Variants in B3GALT1 observed in about 807,000 individuals in gnomAD.
B3GALT1 encodes beta-1,3-galactosyltransferase 1, also known as UDP-Gal:betaGlcNAc beta 1,3-galactosyltransferase, polypeptide 1.
In B3GALT1, 10 loss-of-function variants were observed where a neutral mutation model predicts 23.2. The ratio of observed to expected loss-of-function variants is 0.43; its 90% CI spans 0.27 to 0.73. The LOEUF (loss-of-function observed/expected upper bound fraction) is 0.73. Ranked by LOEUF, B3GALT1 falls within the 30% of genes least tolerant of loss-of-function variation. B3GALT1 has a pLI of 0.21. For synonymous variants in B3GALT1, 156 were observed against 141.5 expected (o/e 1.10, Z -0.73); for missense variants, 299 against 405.4 (o/e 0.74, Z 2.25).
chr2:167,308,407 A>G (rs148249724), intron 1 of B3GALT1, among the ~76,000 whole-genome samples: 1 of 152,132 alleles, frequency 6.6e-6, no homozygotes, highest in Non-Finnish European at 1.5e-5. Flanking sequence ...TCTTTCTTAG[A>G]CATCGACTGT....
chr2:167,736,943 C>T (rs958282906), intron 3 of B3GALT1, among the ~76,000 whole-genome samples: 2 of 151,154 alleles, frequency 1.3e-5, no homozygotes, highest in African/African-American at 4.9e-5. Flanking sequence ...CCCTTCCCCC[C>T]CAAAAAAAGA....
intron 2 of B3GALT1, among the ~76,000 whole-genome samples, chr2:167,627,004 T>G (rs1450503521): frequency 6.6e-6 from 1 of 151,718 alleles, no homozygotes; most frequent in Non-Finnish European, 1.5e-5. Flanking sequence ...CATTAATATC[T>G]GCCTAGATGA....
intron 2 of B3GALT1, among the ~76,000 whole-genome samples, chr2:167,557,807 A>AAC (rs1683880462): frequency 6.6e-6 from 1 of 152,232 alleles, no homozygotes; most frequent in Non-Finnish European, 1.5e-5. Context: ...GAGACCAAGA[A>AAC]GGGTACTTAG....
chr2:167,841,017 G>GT (rs537073392), intron 4 of B3GALT1, among the ~76,000 whole-genome samples: 1,393 of 117,642 alleles, frequency 0.012, 15 homozygotes, highest in Middle Eastern at 0.045. Flanking sequence ...ATACCCTGGG[G>GT]ACTGTTGTGG....
chr2:167,699,318 TAAA>T (rs1686837772), intron 3 of B3GALT1, among the ~76,000 whole-genome samples: 1 of 151,504 alleles, frequency 6.6e-6, no homozygotes, highest in African/African-American at 2.4e-5. Context: ...AACATCGCCT[TAAA>T]GAAGTTGTTG....
At chr2:167,804,410 T>G (rs1466434238) in intron 3 of B3GALT1, among the ~76,000 whole-genome samples, 1 of 152,048 alleles carries the variant, frequency 6.6e-6, no homozygotes, top group Non-Finnish European at 1.5e-5. Flanking sequence ...ATGTGCCATG[T>G]TGGTGTGCTG....
chr2:167,495,241 A>C (rs896215217), intron 2 of B3GALT1, among the ~76,000 whole-genome samples: 7 of 151,892 alleles, frequency 4.6e-5, no homozygotes, highest in African/African-American at 1.4e-4. Context: ...GTTGATGGGA[A>C]GTGATGAGAA....
At chr2:167,514,574 A>T (rs1300205982) in intron 2 of B3GALT1, among the ~76,000 whole-genome samples, 5 of 152,208 alleles carry the variant, frequency 3.3e-5, no homozygotes, top group Non-Finnish European at 7.3e-5. Flanking sequence ...CCAAGTATAA[A>T]TGAGTTTATT....
chr2:167,395,967 G>A (rs1214341177), intron 1 of B3GALT1, among the ~76,000 whole-genome samples: 1 of 151,986 alleles, frequency 6.6e-6, no homozygotes, highest in Non-Finnish European at 1.5e-5. Flanking sequence ...TTTCATCTTG[G>A]TTTTCCTGGA....
intron 2 of B3GALT1, among the ~76,000 whole-genome samples, chr2:167,586,901 A>G (rs1478698841): frequency 6.6e-6 from 1 of 152,216 alleles, no homozygotes; most frequent in Non-Finnish European, 1.5e-5. Flanking sequence ...AAATGGATTC[A>G]TATAGGAGAG....
At chr2:167,669,655 A>T (rs1011347411) in intron 3 of B3GALT1, among the ~76,000 whole-genome samples, 1 of 152,272 alleles carries the variant, frequency 6.6e-6, no homozygotes, top group Non-Finnish European at 1.5e-5. Context: ...GTACATTTAC[A>T]CTTTAGAAAT....
intron 3 of B3GALT1, among the ~76,000 whole-genome samples, chr2:167,763,012 A>G (rs1464104560): frequency 6.6e-6 from 1 of 152,198 alleles, no homozygotes; most frequent in Non-Finnish European, 1.5e-5. Context: ...CAGGTAGGAA[A>G]AGTACGTCTA....
chr2:167,559,251 T>C (rs1574136514), intron 2 of B3GALT1, among the ~76,000 whole-genome samples: 1 of 152,166 alleles, frequency 6.6e-6, no homozygotes, highest in African/African-American at 2.4e-5. Context: ...CTGAGGGTCC[T>C]GTCTGTTAGA....
At chr2:167,466,350 G>A (rs757283413) in intron 1 of B3GALT1, among the ~76,000 whole-genome samples, 2 of 151,956 alleles carry the variant, frequency 1.3e-5, no homozygotes, top group Non-Finnish European at 2.9e-5. Context: ...GGGCGCGGTG[G>A]CTCACACCTG....
intron 4 of B3GALT1, among the ~76,000 whole-genome samples, chr2:167,824,346 G>A (rs2105369898): frequency 6.6e-6 from 1 of 152,308 alleles, no homozygotes. Context: ...GAAATTTAGA[G>A]GACAGACTGA....
At chr2:167,507,162 TG>T (rs1699931562) in intron 2 of B3GALT1, among the ~76,000 whole-genome samples, 1 of 152,054 alleles carries the variant, frequency 6.6e-6, no homozygotes, top group Non-Finnish European at 1.5e-5. Context: ...AACAGAAAGA[TG>T]AGTGGAATAG....
chr2:167,365,531 A>G (rs1651402064), intron 1 of B3GALT1, among the ~76,000 whole-genome samples: 1 of 151,896 alleles, frequency 6.6e-6, no homozygotes, highest in Non-Finnish European at 1.5e-5. Context: ...AACAGAAGAT[A>G]TAAGAAGATC....
chr2:167,619,946 C>G (rs374037960), intron 2 of B3GALT1, among the ~76,000 whole-genome samples: 1 of 152,078 alleles, frequency 6.6e-6, no homozygotes, highest in African/African-American at 2.4e-5. Flanking sequence ...ATTAAACAAA[C>G]AAATACTGAA....
intron 3 of B3GALT1, among the ~76,000 whole-genome samples, chr2:167,669,485 A>C (rs529008158): frequency 6.6e-6 from 1 of 152,286 alleles, no homozygotes; most frequent in South Asian, 2.1e-4. Flanking sequence ...GGAATTTCCC[A>C]GTGTGAAATA....
Sources: allele counts gnomAD v4.1 joint callset (sites outside exome capture counted in the v4.1 genomes callset), GRCh38; gene constraint gnomAD v4.1.1; transcripts MANE v1.5; gene names NCBI Gene and HGNC (gene_info 2026-07-23, HGNC 2026-07-21).